AGBL3: variants seen among roughly 807,000 people sequenced by gnomAD.
AGBL3 encodes the protein AGBL carboxypeptidase 3.
A neutral mutation model predicts 94.5 loss-of-function variants in AGBL3; 68 were observed. The observed-to-expected ratio is 0.72, with a 90% CI of 0.59 to 0.88. The LOEUF is 0.88. Among genes scored for constraint, AGBL3 ranks in the 40% least tolerant of loss-of-function variants. The probability of loss-of-function intolerance (pLI) is 0.00; values close to 1 mark genes in which losing one functional copy is unlikely to be tolerated. For missense variants in AGBL3, 934 were observed against 1,103.8 expected (o/e 0.85, Z 2.18); for synonymous variants, 354 against 370.7 (o/e 0.95, Z 0.52).
At chr7:135,127,129 G>C (rs1317198953) in intron 16 of AGBL3, among the ~76,000 whole-genome samples, 1 of 151,968 alleles carries the variant, frequency 6.6e-6, no homozygotes, top group Non-Finnish European at 1.5e-5. Context: ...TCTGACAAAG[G>C]TCTAATATCC....
At chr7:135,106,438 T>C (rs991386768) in intron 15 of AGBL3, among the ~76,000 whole-genome samples, 3 of 152,266 alleles carry the variant, frequency 2.0e-5, no homozygotes, top group Non-Finnish European at 4.4e-5. Context: ...TGTTGAATTT[T>C]ATCAAAAGCC....
chr7:135,075,099 T>C (rs1379254555), intron 12 of AGBL3, among the ~76,000 whole-genome samples: 1 of 152,176 alleles, frequency 6.6e-6, no homozygotes. Flanking sequence ...GGTAACATCT[T>C]ACAAAATTAC....
intron 4 of AGBL3, among the ~76,000 whole-genome samples, chr7:134,996,506 A>AC (rs397708613): frequency 2.6e-5 from 4 of 151,382 alleles, no homozygotes; most frequent in African/African-American, 7.3e-5. Context: ...AGAGGTAAAA[A>AC]TAGAGCTTTT....
intron 4 of AGBL3, among the ~76,000 whole-genome samples, chr7:135,002,491 G>A (rs866030881): frequency 1.3e-5 from 2 of 151,982 alleles, no homozygotes; most frequent in Non-Finnish European, 1.5e-5. Context: ...TCAGTCCCCC[G>A]CCTCTCCATC....
intron 16 of AGBL3, among the ~76,000 whole-genome samples, chr7:135,122,930 G>T (rs1233500733): frequency 6.6e-6 from 1 of 152,122 alleles, no homozygotes; most frequent in African/African-American, 2.4e-5. Flanking sequence ...AACTCATGAA[G>T]ATGGGAAAGA....
At chr7:135,010,295 G>A in intron 4 of AGBL3, 1 of 256,678 alleles carries the variant, frequency 3.9e-6, no homozygotes, top group Non-Finnish European at 7.5e-6. Flanking sequence ...CAAAGTGCTG[G>A]GTTTTTTTTT....
rs1554502035 is a variant in AGBL3 at position 135,040,885 on chromosome 7, C to CCACACA, written c.1501-3125_1501-3120dup. On this transcript the variant is annotated intron_variant, in intron 8 of 16. Coordinates refer to ENST00000436302, the MANE Select transcript of AGBL3 (RefSeq NM_178563.4). Reference sequence around the variant, plus strand: ...TGATCCATGCACACACACACACACACCACACACACACACACACACAAAACT... The same window carrying CCACACA: ...TGATCCATGCACACACACACACACACCACACACACACACACACACACACACAAAACT... Among the ~76,000 whole-genome samples, 415 of 120,954 alleles carry CCACACA rather than the reference C, an allele frequency of 3.4e-3. 2 individuals carry two copies. Among genetic ancestry groups the CCACACA allele is most frequent in the African/African-American group, 8.7e-3 (251 of 28,702 alleles). The allele number at this position is 120,954 out of a possible 152,430, so 79.4% of individuals were successfully genotyped here. A position where few individuals can be genotyped will look rare whatever the true frequency, so the allele number is the denominator to read the frequency against.
chr7:135,118,845 T>C (rs976027583), intron 16 of AGBL3, among the ~76,000 whole-genome samples: 2 of 152,106 alleles, frequency 1.3e-5, no homozygotes, highest in Non-Finnish European at 2.9e-5. Flanking sequence ...AATAGAAATT[T>C]TTGAATTGAA....
intron 11 of AGBL3, among the ~76,000 whole-genome samples, chr7:135,051,742 T>G (rs1817895837): frequency 6.6e-6 from 1 of 152,248 alleles, no homozygotes; most frequent in East Asian, 1.9e-4. Flanking sequence ...TCTCTTATAC[T>G]GAAAAAATCT....
At chr7:134,993,725 T>G (rs1309794442) in intron 4 of AGBL3, 47 bp downstream of exon 4, 1 of 1,384,982 alleles carries the variant, frequency 7.2e-7, no homozygotes, top group South Asian at 1.8e-5. Context: ...CAAACTTACT[T>G]TGCCAACCTT....
At chr7:135,060,781 C>T (rs914239114) in intron 12 of AGBL3, among the ~76,000 whole-genome samples, 1 of 152,070 alleles carries the variant, frequency 6.6e-6, no homozygotes, top group Admixed American at 6.6e-5. Flanking sequence ...ACCACATTTT[C>T]TTTATCCATT....
chr7:135,020,061 T>C (rs1459394517), intron 5 of AGBL3, among the ~76,000 whole-genome samples: 1 of 152,064 alleles, frequency 6.6e-6, no homozygotes, highest in Non-Finnish European at 1.5e-5. Context: ...AATTGACAAA[T>C]GGGATCTAAT....
At chr7:135,089,821 G>T (rs1456549689) in intron 15 of AGBL3, among the ~76,000 whole-genome samples, 1 of 152,182 alleles carries the variant, frequency 6.6e-6, no homozygotes, top group Non-Finnish European at 1.5e-5. Context: ...GCAGTGGTGT[G>T]GGGTTCCAGG....
At chr7:135,012,200 G>T (rs1267980412) in intron 4 of AGBL3, 1 of 152,072 alleles carries the variant, frequency 6.6e-6, no homozygotes, top group Non-Finnish European at 1.5e-5. Flanking sequence ...TATAGGCAAA[G>T]CAAAGCAATA....
chr7:135,073,740 G>A (rs1484725287), intron 12 of AGBL3, among the ~76,000 whole-genome samples: 1 of 151,906 alleles, frequency 6.6e-6, no homozygotes, highest in Admixed American at 6.6e-5. Context: ...TACGTGACTG[G>A]GGGCTACATA....
intron 3 of AGBL3, among the ~76,000 whole-genome samples, chr7:134,992,224 A>G (rs559994242): frequency 6.6e-6 from 1 of 152,326 alleles, no homozygotes; most frequent in East Asian, 1.9e-4. Context: ...CTTGTGGATC[A>G]GTTTCATTAC....
intron 16 of AGBL3, among the ~76,000 whole-genome samples, chr7:135,126,371 C>T (rs1827868269): frequency 6.6e-6 from 1 of 151,758 alleles, no homozygotes; most frequent in African/African-American, 2.4e-5. Context: ...AACTACAGAC[C>T]ACCAAGGAAA....
chr7:135,106,771 T>A (rs1824787950), intron 15 of AGBL3, among the ~76,000 whole-genome samples: 2 of 152,204 alleles, frequency 1.3e-5, no homozygotes, highest in Non-Finnish European at 2.9e-5. Context: ...CTTTTTGAAA[T>A]AGTTTCAGTA....
intron 5 of AGBL3, among the ~76,000 whole-genome samples, chr7:135,023,043 A>G (rs1814684498): frequency 6.6e-6 from 1 of 152,136 alleles, no homozygotes; most frequent in Non-Finnish European, 1.5e-5. Context: ...ATGTATCTTT[A>G]ATTTAGAAGA....
Sources: gnomAD v4.1 joint callset for allele counts (sites outside exome capture counted in the v4.1 genomes callset) on GRCh38, gnomAD v4.1.1 for gene constraint, MANE v1.5 for transcripts, NCBI Gene and HGNC (gene_info 2026-07-23, HGNC 2026-07-21) for gene names.